Variants in FAM8A1 observed in about 807,000 individuals in gnomAD.
The protein encoded by FAM8A1 is protein FAM8A1.
In FAM8A1, 18 loss-of-function variants were observed where a neutral mutation model predicts 38.3. The ratio of observed to expected loss-of-function variants is 0.47; its 90% CI spans 0.33 to 0.70. The LOEUF (loss-of-function observed/expected upper bound fraction) is 0.70. FAM8A1 is among the 30% of genes least tolerant of loss of function. FAM8A1 has a pLI of 0.03. For synonymous variants in FAM8A1, 246 were observed against 234.4 expected (o/e 1.05, Z -0.45); for missense variants, 559 against 559.6 (o/e 1.00, Z 0.01).
intron 1 of FAM8A1, among the ~76,000 whole-genome samples, chr6:17,601,491 G>A (rs181604350): frequency 6.6e-6 from 1 of 152,294 alleles, no homozygotes; most frequent in Admixed American, 6.5e-5. Context: ...GACTGGTAAT[G>A]CTGAAAATTA....
intron 3 of FAM8A1, 83 bp from the exon 4 acceptor site, chr6:17,605,791 A>AT (rs1487314763): frequency 3.7e-6 from 5 of 1,335,444 alleles, no homozygotes; most frequent in Non-Finnish European, 4.0e-6. Flanking sequence ...AATTTAAAAC[A>AT]TGAAATAATA....
intron 4 of FAM8A1, among the ~76,000 whole-genome samples, chr6:17,606,977 A>G (rs1410538986): frequency 1.3e-5 from 2 of 152,014 alleles, no homozygotes; most frequent in Non-Finnish European, 2.9e-5. Flanking sequence ...TTTGGTAGTT[A>G]TAGCCGGGCA....
At position 17,610,251 on chromosome 6, in the gene FAM8A1, A is replaced by G. The variant is rs1764120502; in HGVS notation, c.*1912A>G. On this transcript the variant is annotated 3_prime_UTR_variant, in exon 5 of 5. Coordinates refer to ENST00000259963, the MANE Select transcript of FAM8A1 (RefSeq NM_016255.3). ...CATCTTTCATTCATAATTTCTGCTC[A>G]GATAATTGAATAGTTTGCCATCGAG... 1 of 152,184 alleles carries G rather than the reference A, an allele frequency of 6.6e-6. No individual in the cohort carries two copies. Among genetic ancestry groups the G allele is most frequent in the South Asian group, 2.1e-4 (1 of 4,836 alleles). The allele number at this position is 152,184 out of a possible 1,614,324, so 9.4% of individuals were successfully genotyped here. A position where few individuals can be genotyped will look rare whatever the true frequency, so the allele number is the denominator to read the frequency against.
chr6:17,607,258 C>CAAA (rs879878979), intron 4 of FAM8A1, among the ~76,000 whole-genome samples: 26 of 35,170 alleles, frequency 7.4e-4, no homozygotes, highest in African/African-American at 2.0e-3. Flanking sequence ...GACTCCATCT[C>CAAA]AAAAAAAAAA....
rs1189430024 is a variant in FAM8A1, at chr6:17,600,885, C to T, written c.476C>T (p.Pro159Leu). 1 of 1,600,246 alleles carries T rather than the reference C, an allele frequency of 6.2e-7. No homozygotes were observed. Among genetic ancestry groups the T allele is most frequent in the South Asian group, 1.1e-5 (1 of 90,530 alleles). ...TTCCCTTCGGGCGGCGCTGCAGTCC[C>T]CCAGGCCGCGGCGCCGCCGCCCCCG... ...QSFPSGGAAV[P>L]QAAAPPPPQL... The change falls in exon 1 of 5, where the codon CCC (proline) becomes CTC (leucine). Residue 159 changes from proline to leucine, a missense_variant. Pro to Leu is a moderately conservative substitution (Grantham distance 98, BLOSUM62 -3). Coordinates refer to ENST00000259963, the MANE Select transcript of FAM8A1 (RefSeq NM_016255.3).
In FAM8A1 at chr6:17,610,863, G is replaced by GA. The variant is rs920915660; in HGVS notation, c.*2528dup. 5 of 152,216 alleles carry GA rather than the reference G, an allele frequency of 3.3e-5. No individual in the cohort carries two copies. In the South Asian group the frequency reaches 1.0e-3, roughly 32 times the overall value. 9.4% of individuals were successfully genotyped at this position (152,216 alleles called of 1,614,324 possible). A position where few individuals can be genotyped will look rare whatever the true frequency, so the allele number is the denominator to read the frequency against. On this transcript the variant is annotated 3_prime_UTR_variant, in exon 5 of 5. Transcript: ENST00000259963. Reference sequence around the variant, plus strand: ...AATTGGCAGTTAATTTAGGCGTCTAGAAAATCTCAGTTCCCACCAGTAAAA... The same window carrying GA: ...AATTGGCAGTTAATTTAGGCGTCTAGAAAAATCTCAGTTCCCACCAGTAAAA...
In FAM8A1 at chr6:17,608,171, G is replaced by A. The variant is rs1043923209; in HGVS notation, c.1098-24G>A. 26 of 1,611,848 alleles carry A rather than the reference G, an allele frequency of 1.6e-5. 2 individuals are homozygous for A. In the Middle Eastern group the frequency reaches 3.8e-3, roughly 236 times the overall value. ...ATGTGGTTTGATGTGTAACTTACCT[G>A]ATATTTTTGTTTTAACTTTTTAGGT... On this transcript the variant is annotated intron_variant, in intron 4 of 4. Transcript: ENST00000259963.
chr6:17,605,848 T>C, intron 3 of FAM8A1, 26 bp from the exon 4 acceptor site: 2 of 1,480,384 alleles, frequency 1.4e-6, no homozygotes, highest in Non-Finnish European at 1.8e-6. Context: ...GAGCCAGTAA[T>C]TTTTAAATCA....
Position 17,600,480 on chromosome 6 carries a change from C to T in FAM8A1, c.71C>T (p.Pro24Leu). 2.0e-6 allele frequency: 3 copies of T among 1,521,326 alleles called. No homozygotes were observed. The highest frequency in any genetic ancestry group is 2.6e-6 in the Non-Finnish European group (3 of 1,138,192). 94.2% of individuals were successfully genotyped at this position (1,521,326 alleles called of 1,614,324 possible). ...GQDDGGGDHE[P>L]VPSLRGPPTT... ...GACGATGGCGGAGGGGACCACGAGC[C>T]CGTCCCTTCCCTGAGAGGCCCTCCT... The change falls in exon 1 of 5, where the codon CCC becomes CTC. Residue 24 changes from proline (P) to leucine (L), a missense_variant. Pro to Leu is a moderately conservative substitution (Grantham distance 98). Coordinates refer to ENST00000259963, the MANE Select transcript of FAM8A1 (RefSeq NM_016255.3).
In FAM8A1 at chr6:17,606,014, G is replaced by A. The variant is rs762810325; in HGVS notation, c.1097+1G>A. 1.4e-5 allele frequency: 22 copies of A among 1,535,734 alleles called. No individual in the cohort carries two copies. Among genetic ancestry groups the A allele is most frequent in the South Asian group, 2.5e-5 (2 of 80,828 alleles). ...CTTCCTCAAATGTTAGCATTACAAC[G>A]TAAGTCCTTTTCTTAGCTTAATCTA... On this transcript the variant is annotated splice_donor_variant, in intron 4 of 4. Transcript: ENST00000259963. LOFTEE classifies it high-confidence loss of function.
In FAM8A1 at chr6:17,608,295, A is replaced by T; in HGVS notation, c.1198A>T (p.Ile400Phe). 3.7e-6 allele frequency: 6 copies of T among 1,612,052 alleles called. No homozygotes were observed. The highest frequency in any genetic ancestry group is 4.2e-6 in the Non-Finnish European group (5 of 1,179,326). The change falls in exon 5 of 5, where the codon ATT becomes TTT. Residue 400 changes from isoleucine (I) to phenylalanine (F), a missense_variant. Ile to Phe is a conservative substitution (Grantham distance 21). Coordinates refer to ENST00000259963, the MANE Select transcript of FAM8A1 (RefSeq NM_016255.3). ...FFQHNRTAYD[I>F]VAGTIVVKRN... Reference sequence around the variant, plus strand: ...TCAGCATAATCGAACAGCTTATGACATTGTAGCAGGAACCATTGTGGTAAA... The same window carrying T: ...TCAGCATAATCGAACAGCTTATGACTTTGTAGCAGGAACCATTGTGGTAAA...
In FAM8A1 at chr6:17,611,591, T is replaced by TAGTA. The variant is rs1165596416; in HGVS notation, c.*3255_*3258dup. On this transcript the variant is annotated 3_prime_UTR_variant, in exon 5 of 5. Coordinates refer to ENST00000259963, the MANE Select transcript of FAM8A1 (RefSeq NM_016255.3). ...ATACATACTTCTTTGCAGTTCATTA[T>TAGTA]AGTAAGGCTTAACCTGTAAACAGTA... 6.6e-6 allele frequency: 1 copy of TAGTA among 152,594 alleles called. No individual in the cohort carries two copies. Among genetic ancestry groups the TAGTA allele is most frequent in the African/African-American group, 2.4e-5 (1 of 41,462 alleles). The allele number at this position is 152,594 out of a possible 1,614,324, so 9.5% of individuals were successfully genotyped here.
Position 17,608,303 on chromosome 6 carries a change from A to C in FAM8A1, c.1206A>C (p.Ala402=). 1 of 1,612,618 alleles carries C rather than the reference A, an allele frequency of 6.2e-7. No individual in the cohort carries two copies. The highest frequency in any genetic ancestry group is 8.5e-7 in the Non-Finnish European group (1 of 1,179,718). ...ATCGAACAGCTTATGACATTGTAGC[A>C]GGAACCATTGTGGTAAAAAGAAATG... ...QHNRTAYDIV[A]GTIVVKRNGV... is the part of the protein sequence containing the mutation. The change falls in exon 5 of 5, where the codon GCA becomes GCC. Residue 402 remains alanine, a synonymous_variant. Coordinates refer to ENST00000259963, the MANE Select transcript of FAM8A1 (RefSeq NM_016255.3).
At position 17,610,989 on chromosome 6, in the gene FAM8A1, C is replaced by A. The variant is rs1764134384; in HGVS notation, c.*2650C>A. On this transcript the variant is annotated 3_prime_UTR_variant, in exon 5 of 5. Transcript: ENST00000259963. Reference sequence around the variant, plus strand: ...CTGGGTAAGCCTTACCTTTAGACTACTCTGTGACTACAGAAATAAAGCCAG... The same window carrying A: ...CTGGGTAAGCCTTACCTTTAGACTAATCTGTGACTACAGAAATAAAGCCAG... 1 of 152,256 alleles carries A rather than the reference C, an allele frequency of 6.6e-6. No individual in the cohort carries two copies. The highest frequency in any genetic ancestry group is 2.1e-4 in the South Asian group (1 of 4,818). 9.4% of individuals were successfully genotyped at this position (152,256 alleles called of 1,614,324 possible). A position where few individuals can be genotyped will look rare whatever the true frequency, so the allele number is the denominator to read the frequency against.
Position 17,608,357 on chromosome 6 carries a change from A to T in FAM8A1, c.*18A>T, listed in dbSNP as rs374941854. ...TCAGATGATGCCCCCCAAAACCCTG[A>T]TTTCCACACACTAAGACTAAATTAT... On this transcript the variant is annotated 3_prime_UTR_variant, in exon 5 of 5. Coordinates refer to ENST00000259963, the MANE Select transcript of FAM8A1 (RefSeq NM_016255.3). The T allele has an allele frequency of 1.7e-4, 276 of 1,607,216 alleles. 1 individual carries two copies. The highest frequency in any genetic ancestry group is 2.1e-4 in the Non-Finnish European group (249 of 1,177,360).
At position 17,600,508 on chromosome 6, in the gene FAM8A1, C is replaced by T. The variant is rs1203266534; in HGVS notation, c.99C>T (p.Thr33=). The change falls in exon 1 of 5, where the codon ACC becomes ACT. Residue 33 remains threonine (T), a synonymous_variant. Transcript: ENST00000259963. Reference sequence around the variant, plus strand: ...TCCCTTCCCTGAGAGGCCCTCCTACCACCGCCGTCCCATGCCCCCGCGACG... The same window carrying T: ...TCCCTTCCCTGAGAGGCCCTCCTACTACCGCCGTCCCATGCCCCCGCGACG... The part of the protein sequence containing the change: ...EPVPSLRGPP[T]TAVPCPRDDP... The T allele has an allele frequency of 6.5e-7, 1 of 1,534,906 alleles. No homozygotes were observed. Among genetic ancestry groups the T allele is most frequent in the Non-Finnish European group, 8.7e-7 (1 of 1,145,258 alleles).
Position 17,600,595 on chromosome 6 carries a change from C to G in FAM8A1, c.186C>G (p.Ala62=), listed in dbSNP as rs1034901040. 1 of 1,492,076 alleles carries G rather than the reference C, an allele frequency of 6.7e-7. No homozygotes were observed. The highest frequency in any genetic ancestry group is 1.5e-5 in the African/African-American group (1 of 67,570). 92.4% of individuals were successfully genotyped at this position (1,492,076 alleles called of 1,614,324 possible). The change falls in exon 1 of 5, where the codon GCC becomes GCG. Residue 62 remains alanine, a synonymous_variant. Coordinates refer to ENST00000259963, the MANE Select transcript of FAM8A1 (RefSeq NM_016255.3). ...RPTAPGLAAA[A]AADKLEPPRE... The stretch of plus-strand genomic sequence containing the variant: ...CAGCCCCGGGCCTCGCGGCTGCCGC[C>G]GCAGCCGACAAATTGGAGCCGCCGC...
At chr6:17,601,180 T>TA in intron 1 of FAM8A1, 59 bp downstream of exon 1, 3 of 1,533,288 alleles carry the variant, frequency 2.0e-6, no homozygotes, top group Non-Finnish European at 2.6e-6. Flanking sequence ...GCCTGTGGGG[T>TA]AGAGCTGGCA....
At chr6:17,606,047 C>T (rs760948246) in intron 4 of FAM8A1, 34 bp downstream of exon 4, 3 of 1,446,176 alleles carry the variant, frequency 2.1e-6, no homozygotes, top group Non-Finnish European at 2.8e-6. Context: ...CTACTACATA[C>T]TTAATGAAAA....
Sources: allele counts gnomAD v4.1 joint callset (sites outside exome capture counted in the v4.1 genomes callset), GRCh38; gene constraint gnomAD v4.1.1; transcripts MANE v1.5; gene names NCBI Gene and HGNC (gene_info 2026-07-23, HGNC 2026-07-21).